Variants in PIP4K2A observed in about 807,000 individuals in gnomAD.
The protein encoded by PIP4K2A is phosphatidylinositol 5-phosphate 4-kinase type-2 alpha.
A neutral mutation model predicts 42.9 loss-of-function variants in PIP4K2A; 14 were observed. That is an observed-to-expected ratio of 0.33 (90% CI 0.22 to 0.51). PIP4K2A has a LOEUF of 0.51. PIP4K2A is among the 20% of genes least tolerant of loss of function. The pLI is 0.97. For synonymous variants in PIP4K2A, 192 were observed against 192.2 expected (o/e 1.00, Z 0.01); for missense variants, 434 against 519.8 (o/e 0.83, Z 1.61).
At chr10:22,558,779 A>T (rs1377732913) in intron 6 of PIP4K2A, among the ~76,000 whole-genome samples, 1 of 152,186 alleles carries the variant, frequency 6.6e-6, no homozygotes, top group Non-Finnish European at 1.5e-5. Context: ...ATGAATGTGG[A>T]AAGAGAATAT....
At position 22,612,921 on chromosome 10, in the gene PIP4K2A, C is replaced by T. The variant is rs141887590; in HGVS notation, c.145-3204G>A. 6.7e-3 allele frequency among the ~76,000 whole-genome samples: 1,026 copies of T among 152,040 alleles called. 6 individuals are homozygous for T. The highest frequency in any genetic ancestry group is 0.037 in the Middle Eastern group (11 of 294). On this transcript the variant is annotated intron_variant, in intron 1 of 9. Coordinates refer to ENST00000376573, the MANE Select transcript of PIP4K2A (RefSeq NM_005028.5). ...TATCTGTGCATCAGACATTAGCTCC[C>T]CAGAGGAGTGGATGAGGTAACCTGG...
intron 6 of PIP4K2A, among the ~76,000 whole-genome samples, chr10:22,559,282 C>A (rs1472446945): frequency 6.6e-6 from 1 of 152,202 alleles, no homozygotes; most frequent in Admixed American, 6.5e-5. Context: ...CTTCTCTCCA[C>A]CCCAACTTTT....
In PIP4K2A at chr10:22,654,924, T is replaced by C. The variant is rs1200216157; in HGVS notation, c.145-45207A>G. 2.0e-5 allele frequency among the ~76,000 whole-genome samples: 3 copies of C among 151,918 alleles called. No individual in the cohort carries two copies. In the East Asian group the frequency reaches 5.8e-4, roughly 29 times the overall value. ...GGCCTGGGGCTTTACCCAAGGAAAA[T>C]GCAGGGGACAGAAATGAGTGGACTG... On this transcript the variant is annotated intron_variant, in intron 1 of 9. Coordinates refer to ENST00000376573, the MANE Select transcript of PIP4K2A (RefSeq NM_005028.5).
rs1835917414 is a variant in PIP4K2A at position 22,536,331 on chromosome 10, A to G, written c.*870T>C. 2 of 373,178 alleles carry G rather than the reference A, an allele frequency of 5.4e-6. No individual in the cohort carries two copies. The highest frequency in any genetic ancestry group is 9.3e-6 in the Non-Finnish European group (2 of 214,684). The allele number at this position is 373,178 out of a possible 1,614,324, so 23.1% of individuals were successfully genotyped here. ...CTTTTATTTTGTAGCATTAATTCCT[A>G]TATTGCAACGTAAGGGTGAACAATG... is the stretch of plus-strand genomic sequence containing the variant. On this transcript the variant is annotated 3_prime_UTR_variant, in exon 10 of 10. Transcript: ENST00000376573.
chr10:22,686,158 C>A (rs2130890328), intron 1 of PIP4K2A, among the ~76,000 whole-genome samples: 1 of 152,234 alleles, frequency 6.6e-6, no homozygotes, highest in South Asian at 2.1e-4. Context: ...GCTGAACCGG[C>A]ACATTTCGGA....
chr10:22,597,454 G>A (rs558183308), intron 3 of PIP4K2A, among the ~76,000 whole-genome samples: 1 of 152,232 alleles, frequency 6.6e-6, no homozygotes, highest in South Asian at 2.1e-4. Context: ...GAGAATTGTC[G>A]GAGGTTCTTG....
chr10:22,560,586 C>A (rs1051445117), intron 6 of PIP4K2A, among the ~76,000 whole-genome samples: 1 of 152,180 alleles, frequency 6.6e-6, no homozygotes, highest in East Asian at 1.9e-4. Flanking sequence ...ATCGACAAGG[C>A]GGCTTTTTGT....
intron 1 of PIP4K2A, among the ~76,000 whole-genome samples, chr10:22,706,368 C>T (rs1833822220): frequency 6.6e-6 from 1 of 152,174 alleles, no homozygotes; most frequent in South Asian, 2.1e-4. Context: ...TCCAGCCATG[C>T]CAGCTTTCCT....
intron 1 of PIP4K2A, among the ~76,000 whole-genome samples, chr10:22,655,870 C>T (rs1839090138): frequency 6.6e-6 from 1 of 152,080 alleles, no homozygotes; most frequent in East Asian, 1.9e-4. Context: ...GCCTTAAGAG[C>T]TGAGTGTGTT....
intron 1 of PIP4K2A, among the ~76,000 whole-genome samples, chr10:22,707,727 C>T (rs1159920179): frequency 2.0e-5 from 3 of 152,128 alleles, no homozygotes; most frequent in African/African-American, 4.8e-5. Context: ...TGCGTGTTCC[C>T]CCCCAAGAAT....
chr10:22,572,644 T>A (rs1295633423), intron 5 of PIP4K2A, among the ~76,000 whole-genome samples: 2 of 151,906 alleles, frequency 1.3e-5, no homozygotes, highest in Non-Finnish European at 2.9e-5. Context: ...GTCCCTCAAG[T>A]AGGATTTGGA....
chr10:22,637,436 A>G (rs1838689651), intron 1 of PIP4K2A, among the ~76,000 whole-genome samples: 1 of 152,258 alleles, frequency 6.6e-6, no homozygotes, highest in Non-Finnish European at 1.5e-5. Flanking sequence ...ACCAGAAGCT[A>G]GACCTGCTAC....
At chr10:22,632,881 T>G (rs1838577728) in intron 1 of PIP4K2A, among the ~76,000 whole-genome samples, 1 of 152,226 alleles carries the variant, frequency 6.6e-6, no homozygotes, top group Admixed American at 6.5e-5. Flanking sequence ...GCGGTTGAGT[T>G]TCATATTTTG....
rs559948177 is a variant in PIP4K2A, at chr10:22,657,887, T to C, written c.145-48170A>G. ...GGGTGCAATCGCTAAATTTCAAATC[T>C]AGTAGTTTTTTTTCTGGATATAAAC... On this transcript the variant is annotated intron_variant, in intron 1 of 9. Transcript: ENST00000376573. 3.2e-4 allele frequency among the ~76,000 whole-genome samples: 48 copies of C among 152,080 alleles called. No individual in the cohort carries two copies. In the South Asian group the frequency reaches 6.8e-3, roughly 22 times the overall value.
intron 1 of PIP4K2A, among the ~76,000 whole-genome samples, chr10:22,688,603 C>T (rs777895440): frequency 2.6e-5 from 4 of 152,138 alleles, no homozygotes; most frequent in Non-Finnish European, 4.4e-5. Context: ...CAGGCACTCA[C>T]CACCATGCCT....
intron 1 of PIP4K2A, among the ~76,000 whole-genome samples, chr10:22,644,274 C>G (rs1432987314): frequency 6.6e-6 from 1 of 152,146 alleles, no homozygotes; most frequent in Non-Finnish European, 1.5e-5. Flanking sequence ...TCTGTGGGCT[C>G]TTTATTCAAA....
At chr10:22,566,063 G>C (rs151297653) in intron 6 of PIP4K2A, among the ~76,000 whole-genome samples, 3 of 152,222 alleles carry the variant, frequency 2.0e-5, no homozygotes, top group African/African-American at 4.8e-5. Flanking sequence ...CTGTGGTCTC[G>C]ACCTGCCTCC....
intron 4 of PIP4K2A, among the ~76,000 whole-genome samples, chr10:22,577,923 TG>T (rs1408879265): frequency 6.6e-6 from 1 of 152,222 alleles, no homozygotes; most frequent in Non-Finnish European, 1.5e-5. Context: ...TGAGGGCAAC[TG>T]GGGACACCTG....
intron 3 of PIP4K2A, among the ~76,000 whole-genome samples, chr10:22,599,817 T>A (rs1487033275): frequency 6.6e-6 from 1 of 152,202 alleles, no homozygotes; most frequent in African/African-American, 2.4e-5. Context: ...TGGTGCTATC[T>A]CGGTCCTCTC....
Sources: gnomAD v4.1 joint callset for allele counts (sites outside exome capture counted in the v4.1 genomes callset) on GRCh38, gnomAD v4.1.1 for gene constraint, MANE v1.5 for transcripts, NCBI Gene and HGNC (gene_info 2026-07-23, HGNC 2026-07-21) for gene names.